SLC9A9: variants seen among roughly 807,000 people sequenced by gnomAD.
SLC9A9 encodes solute carrier family 9 member A9, also known as sodium/hydrogen exchanger 9.
Under a neutral mutation model 77.8 loss-of-function variants are expected in SLC9A9, and 62 were observed. The observed-to-expected ratio is 0.80, with a 90% CI of 0.65 to 0.98. SLC9A9 has a LOEUF of 0.98. Among genes scored for constraint, SLC9A9 ranks in the 50% least tolerant of loss-of-function variants. The probability of loss-of-function intolerance (pLI) is 0.00; values close to 1 mark genes in which losing one functional copy is unlikely to be tolerated. For synonymous variants in SLC9A9, 320 were observed against 283.5 expected, an observed-to-expected ratio of 1.13 and a Z score of -1.29; for missense variants, 775 against 774.9, an observed-to-expected ratio of 1.00 and a Z score of 0.00.
chr3:143,737,013 A>G (rs548311620), intron 4 of SLC9A9, among the ~76,000 whole-genome samples: 20 of 152,336 alleles, frequency 1.3e-4, no homozygotes, highest in African/African-American at 4.8e-4. Flanking sequence ...CAAAGCTCTA[A>G]TAATATTCTT....
In SLC9A9 at chr3:143,489,380, C is replaced by A. The variant is rs545091812; in HGVS notation, c.1315+4273G>T. Among the ~76,000 whole-genome samples the A allele has an allele frequency of 3.9e-5, 6 of 151,942 alleles. No individual in the cohort carries two copies. The South Asian group carries it at 1.2e-3, about 31-fold the overall frequency. On this transcript the variant is annotated intron_variant, in intron 11 of 15. Coordinates refer to ENST00000316549, the MANE Select transcript of SLC9A9 (RefSeq NM_173653.4). ...TGACATTTTAAAAGAAATAGTAAAA[C>A]CTATCCTCAAATTAATACAGATATT... is the stretch of plus-strand genomic sequence containing the variant.
At chr3:143,451,614 A>T (rs1196712936) in intron 12 of SLC9A9, among the ~76,000 whole-genome samples, 1 of 152,138 alleles carries the variant, frequency 6.6e-6, no homozygotes, top group Non-Finnish European at 1.5e-5. Context: ...AAGCAGTACT[A>T]GTTCACCGAT....
intron 14 of SLC9A9, among the ~76,000 whole-genome samples, chr3:143,360,093 T>C (rs2032702966): frequency 6.6e-6 from 1 of 152,184 alleles, no homozygotes; most frequent in South Asian, 2.1e-4. Flanking sequence ...ATCAAGTTTG[T>C]TTAGGTATCT....
At chr3:143,316,626 T>C (rs114879185) in intron 14 of SLC9A9, among the ~76,000 whole-genome samples, 4,348 of 152,254 alleles carry the variant, frequency 0.029, 78 homozygotes, top group South Asian at 0.041. Context: ...CTTGGCCCCA[T>C]ATCAGGCACG....
intron 4 of SLC9A9, among the ~76,000 whole-genome samples, chr3:143,711,162 C>A (rs1279741526): frequency 6.6e-6 from 1 of 152,084 alleles, no homozygotes; most frequent in Non-Finnish European, 1.5e-5. Flanking sequence ...TTTTTGAAAC[C>A]TTTTAAATCT....
In SLC9A9 at chr3:143,652,332, C is replaced by A. The variant is rs753278754; in HGVS notation, c.678G>T (p.Leu226=). 23 of 1,612,856 alleles carry A rather than the reference C, an allele frequency of 1.4e-5. No homozygotes were observed. Among genetic ancestry groups the A allele is most frequent in the South Asian group, 4.4e-5 (4 of 90,772 alleles). Reference sequence around the variant, plus strand: ...GTGTGTACAGGTCAGGGTCGACGTGCAGTTCATGGAAAATGGCCAGCACTG... The same window carrying A: ...GTGTGTACAGGTCAGGGTCGACGTGAAGTTCATGGAAAATGGCCAGCACTG... The part of the protein sequence containing the change: ...PVTVLAIFHE[L]HVDPDLYTLL... Residue 226 remains leucine, a synonymous_variant, in exon 6 of 16, where the codon CTG becomes CTT. Transcript: ENST00000316549.
chr3:143,838,422 TGGCAAGGTGGTC>T (rs1489826924), intron 1 of SLC9A9, among the ~76,000 whole-genome samples: 2 of 146,128 alleles, frequency 1.4e-5, no homozygotes, highest in African/African-American at 5.1e-5. Context: ...GAGAGGGTGT[TGGCAAGGTGGTC>T]GGCAAGGTGG....
chr3:143,406,765 C>G (rs1343877195), intron 12 of SLC9A9, among the ~76,000 whole-genome samples: 2 of 152,006 alleles, frequency 1.3e-5, no homozygotes, highest in Non-Finnish European at 2.9e-5. Context: ...CACCTAAGGT[C>G]AGGAGTTCGA....
At chr3:143,357,238 G>C (rs113976123) in intron 14 of SLC9A9, among the ~76,000 whole-genome samples, 90 of 152,162 alleles carry the variant, frequency 5.9e-4, no homozygotes, top group Non-Finnish European at 9.7e-4. Flanking sequence ...CTCTCCTGAA[G>C]AGTTCATCCC....
intron 8 of SLC9A9, among the ~76,000 whole-genome samples, chr3:143,555,784 C>A (rs1379426483): frequency 6.6e-6 from 1 of 152,174 alleles, no homozygotes; most frequent in African/African-American, 2.4e-5. Context: ...TCCTTGCCTC[C>A]AGTAGAAAAC....
At position 143,832,013 on chromosome 3, in the gene SLC9A9, C is replaced by T. The variant is rs7653164; in HGVS notation, c.378+6G>A. 1.1e-5 allele frequency: 18 copies of T among 1,608,554 alleles called. No homozygotes were observed. In the Admixed American group the frequency reaches 2.3e-4, roughly 21 times the overall value. Reference sequence around the variant, plus strand: ...ACAAATATATAATACCAGACAGGATCCTTACCTTTTCAAGTATAGCATTTC... The same window carrying T: ...ACAAATATATAATACCAGACAGGATTCTTACCTTTTCAAGTATAGCATTTC... On this transcript the variant is annotated splice_donor_region_variant and intron_variant, in intron 2 of 15. Transcript: ENST00000316549.
Position 143,266,608 on chromosome 3 carries a change from T to A in SLC9A9, c.*94A>T. On this transcript the variant is annotated 3_prime_UTR_variant, in exon 16 of 16. Transcript: ENST00000316549. ...TCCAATTTATGCTCTTAATATGTTT[T>A]CCAGCCTCTCCCCTGTACTGCCTCA... 7.9e-7 allele frequency: 1 copy of A among 1,268,322 alleles called. No individual in the cohort carries two copies. The highest frequency in any genetic ancestry group is 1.1e-6 in the Non-Finnish European group (1 of 880,074). The allele number at this position is 1,268,322 out of a possible 1,614,324, so 78.6% of individuals were successfully genotyped here. A position where few individuals can be genotyped will look rare whatever the true frequency, so the allele number is the denominator to read the frequency against.
intron 1 of SLC9A9, among the ~76,000 whole-genome samples, chr3:143,836,677 A>G (rs894689112): frequency 6.6e-6 from 1 of 152,202 alleles, no homozygotes; most frequent in Non-Finnish European, 1.5e-5. Context: ...TAGAAAGATG[A>G]GCCTTACCTT....
intron 1 of SLC9A9, among the ~76,000 whole-genome samples, chr3:143,844,702 ACTTTCTTTCTCTTTCTTT>A (rs2009784220): frequency 6.6e-6 from 1 of 150,834 alleles, no homozygotes; most frequent in Non-Finnish European, 1.5e-5. Flanking sequence ...TAAAAGTTTA[ACTTTCTTTCTCTTTCTTT>A]CTTTCTTTCT....
At chr3:143,835,652 T>C (rs1233028331) in intron 1 of SLC9A9, among the ~76,000 whole-genome samples, 1 of 152,204 alleles carries the variant, frequency 6.6e-6, no homozygotes. Context: ...GTAGGTTGTT[T>C]TTATACCATT....
chr3:143,512,227 G>C (rs1467561007), intron 9 of SLC9A9, among the ~76,000 whole-genome samples: 1 of 152,186 alleles, frequency 6.6e-6, no homozygotes, highest in African/African-American at 2.4e-5. Flanking sequence ...CATCCAGCAC[G>C]GAGATTAGGA....
intron 6 of SLC9A9, among the ~76,000 whole-genome samples, chr3:143,606,462 GTA>G (rs2037930955): frequency 1.4e-5 from 1 of 70,422 alleles, no homozygotes; most frequent in African/African-American, 5.2e-5. Flanking sequence ...ATATATATAT[GTA>G]TATAAAACCA....
intron 12 of SLC9A9, among the ~76,000 whole-genome samples, chr3:143,420,862 T>G (rs781563453): frequency 3.0e-4 from 46 of 152,282 alleles, no homozygotes; most frequent in Middle Eastern, 3.4e-3. Flanking sequence ...GAGTATATGA[T>G]TCTATCATAT....
At chr3:143,843,275 C>CAACA (rs754413775) in intron 1 of SLC9A9, among the ~76,000 whole-genome samples, 5 of 152,034 alleles carry the variant, frequency 3.3e-5, no homozygotes, top group Non-Finnish European at 5.9e-5. Flanking sequence ...CCAACATGTC[C>CAACA]AACAACCCAA....
Sources: gnomAD v4.1 joint callset for allele counts (sites outside exome capture counted in the v4.1 genomes callset) on GRCh38, gnomAD v4.1.1 for gene constraint, MANE v1.5 for transcripts, NCBI Gene and HGNC (gene_info 2026-07-23, HGNC 2026-07-21) for gene names.